The following PCDHA2 variants were observed in gnomAD, a reference collection of about 807,000 sequenced individuals.
PCDHA2 encodes the protein protocadherin alpha-2.
A neutral mutation model predicts 66.0 loss-of-function variants in PCDHA2; 58 were observed. That is an observed-to-expected ratio of 0.88 (90% CI 0.71 to 1.09). The LOEUF (loss-of-function observed/expected upper bound fraction) is 1.09. Among genes scored for constraint, PCDHA2 ranks in the 50% least tolerant of loss-of-function variants. The pLI, the probability that PCDHA2 is intolerant of heterozygous loss-of-function variation, is 0.00. For missense variants in PCDHA2, 1,267 were observed against 1,242.3 expected (o/e 1.02, Z -0.30); for synonymous variants, 634 against 554.0 (o/e 1.14, Z -2.03).
intron 1 of PCDHA2, chr5:140,850,857 G>C: frequency 6.3e-7 from 1 of 1,595,010 alleles, no homozygotes; most frequent in Non-Finnish European, 8.6e-7. Flanking sequence ...GCGAACGGGA[G>C]AACCCTCTGC....
chr5:140,878,011 A>G (rs1008308579), intron 1 of PCDHA2: 1 of 843,992 alleles, frequency 1.2e-6, no homozygotes, highest in Non-Finnish European at 1.7e-6. Flanking sequence ...TCTAACATTA[A>G]TGAAGGAAAT....
In PCDHA2 at chr5:140,985,515, T is replaced by G. The variant is rs529024123; in HGVS notation, c.2536+2952T>G. The stretch of plus-strand genomic sequence containing the variant: ...AGAGCCTGCCTTTCATTGATTCTGT[T>G]GCCCTTAAAGCTTCACGGTGAAGAT... On this transcript the variant is annotated intron_variant, in intron 3 of 3. Transcript: ENST00000526136. Among the ~76,000 whole-genome samples, 8 of 152,284 alleles carry G rather than the reference T, an allele frequency of 5.3e-5. No individual in the cohort carries two copies. In the South Asian group the frequency reaches 1.7e-3, roughly 32 times the overall value.
chr5:140,940,736 A>G (rs1554213579), intron 1 of PCDHA2, among the ~76,000 whole-genome samples: 1 of 152,200 alleles, frequency 6.6e-6, no homozygotes, highest in Non-Finnish European at 1.5e-5. Flanking sequence ...GGACAGCTCC[A>G]TATTTTTATG....
rs2150240930 is a variant in PCDHA2 at position 140,835,656 on chromosome 5, G to A, written c.2388+38304G>A. The A allele has an allele frequency of 1.2e-4, 192 of 1,613,824 alleles. 3 individuals carry two copies. Among genetic ancestry groups the A allele is most frequent in the Non-Finnish European group, 1.5e-4 (179 of 1,179,886 alleles). On this transcript the variant is annotated intron_variant, in intron 1 of 3. Coordinates refer to ENST00000526136, the MANE Select transcript of PCDHA2 (RefSeq NM_018905.3). The stretch of plus-strand genomic sequence containing the variant: ...GAGTGTGTCCGCCTATGAGCTGGTG[G>A]TTACCGCGCGGGACGGGGGCTCGCC...
chr5:140,882,775 C>G, intron 1 of PCDHA2: 10 of 1,614,220 alleles, frequency 6.2e-6, no homozygotes, highest in Non-Finnish European at 8.5e-6. Flanking sequence ...CGGCATTGAC[C>G]TACCGACTGG....
intron 1 of PCDHA2, chr5:140,808,051 T>C: frequency 6.2e-7 from 1 of 1,614,058 alleles, no homozygotes; most frequent in East Asian, 2.2e-5. Context: ...TTTCGCCAAA[T>C]GTGAAATCCA....
intron 1 of PCDHA2, chr5:140,822,687 CG>C: frequency 6.2e-7 from 1 of 1,608,794 alleles, no homozygotes; most frequent in Non-Finnish European, 8.5e-7. Flanking sequence ...TAAAAGTTAA[CG>C]GGGAACTGGA....
chr5:140,808,008 A>G (rs782472547), intron 1 of PCDHA2: 1 of 1,613,894 alleles, frequency 6.2e-7, no homozygotes, highest in South Asian at 1.1e-5. Flanking sequence ...GAAGGATTGA[A>G]TGGGGACATT....
intron 1 of PCDHA2, among the ~76,000 whole-genome samples, chr5:140,831,552 G>T (rs2150196212): frequency 7.2e-6 from 1 of 139,216 alleles, no homozygotes; most frequent in Non-Finnish European, 1.5e-5. Flanking sequence ...TTTAAGAGAT[G>T]GGGTTTCTCC....
chr5:140,997,559 T>A (rs550494855), intron 3 of PCDHA2, among the ~76,000 whole-genome samples: 2 of 152,148 alleles, frequency 1.3e-5, no homozygotes, highest in South Asian at 4.1e-4. Flanking sequence ...ACAGGACAAC[T>A]GTCATATGTG....
chr5:140,830,602 A>G (rs970606519), intron 1 of PCDHA2: 1 of 658,624 alleles, frequency 1.5e-6, no homozygotes, highest in Non-Finnish European at 2.3e-6. Flanking sequence ...AAAATTACAT[A>G]TTTTCATTTT....
chr5:140,829,969 G>T, intron 1 of PCDHA2: 1 of 1,614,010 alleles, frequency 6.2e-7, no homozygotes, highest in South Asian at 1.1e-5. Flanking sequence ...GCGTGGGGCT[G>T]TACACGGGCG....
At chr5:140,875,465 T>C (rs1466604223) in intron 1 of PCDHA2, 9 of 1,599,572 alleles carry the variant, frequency 5.6e-6, no homozygotes, top group African/African-American at 1.3e-5. Context: ...AGGCCCTCAT[T>C]TTCTGCAATG....
chr5:140,877,663 C>T (rs1554169960), intron 1 of PCDHA2: 22 of 1,613,432 alleles, frequency 1.4e-5, no homozygotes, highest in Admixed American at 1.7e-5. Context: ...CACCGTGAGC[C>T]GGTGCGCGCC....
chr5:140,928,166 T>G, intron 1 of PCDHA2: 1 of 1,614,142 alleles, frequency 6.2e-7, no homozygotes, highest in South Asian at 1.1e-5. Context: ...TCACCCCCAC[T>G]TAGCACCCGA....
chr5:140,967,984 C>G (rs2096207352), intron 1 of PCDHA2: 2 of 1,614,100 alleles, frequency 1.2e-6, no homozygotes, highest in African/African-American at 2.7e-5. Flanking sequence ...GTCTGGAGGC[C>G]ACACTGCCTT....
At chr5:140,990,900 G>C (rs1164287326) in intron 3 of PCDHA2, among the ~76,000 whole-genome samples, 1 of 152,114 alleles carries the variant, frequency 6.6e-6, no homozygotes, top group Non-Finnish European at 1.5e-5. Flanking sequence ...TCGTTGCTGG[G>C]TCAAGTTTTA....
chr5:140,836,094 G>C, intron 1 of PCDHA2: 1 of 1,613,708 alleles, frequency 6.2e-7, no homozygotes, highest in Middle Eastern at 1.6e-4. Context: ...GCCTCGGGTG[G>C]GTGGCACTGG....
intron 1 of PCDHA2, chr5:140,859,483 G>C (rs1554152411): frequency 9.7e-6 from 2 of 206,816 alleles, no homozygotes; most frequent in African/African-American, 4.7e-5. Flanking sequence ...GTGTTTTCCT[G>C]AAATTGGTTG....
Sources: gnomAD v4.1 joint callset for allele counts (sites outside exome capture counted in the v4.1 genomes callset) on GRCh38, gnomAD v4.1.1 for gene constraint, MANE v1.5 for transcripts, NCBI Gene and HGNC (gene_info 2026-07-23, HGNC 2026-07-21) for gene names.